Variants in TBK1 observed in about 807,000 individuals in gnomAD.
TBK1 encodes TANK binding kinase 1.
TBK1 carries 37 observed loss-of-function variants against 99.9 expected under a neutral mutation model. That is an observed-to-expected ratio of 0.37 (90% CI 0.28 to 0.49). The LOEUF (loss-of-function observed/expected upper bound fraction) is 0.49, where lower values mean the gene tolerates loss of function less well. Ranked by LOEUF, TBK1 falls within the 20% of genes least tolerant of loss-of-function variation. The probability of loss-of-function intolerance (pLI) is 0.98; values close to 1 mark genes in which losing one functional copy is unlikely to be tolerated. For missense variants in TBK1, 644 were observed against 872.5 expected (o/e 0.74, Z 3.30); for synonymous variants, 258 against 279.8 (o/e 0.92, Z 0.78).
chr12:64,488,360 G>A, intron 11 of TBK1, 127 bp from the exon 12 acceptor site: 1 of 527,858 alleles, frequency 1.9e-6, no homozygotes. Flanking sequence ...TTCAAAAAGT[G>A]TGAATTGATG....
intron 1 of TBK1, among the ~76,000 whole-genome samples, chr12:64,455,185 C>G (rs550484648): frequency 3.3e-5 from 5 of 151,382 alleles, no homozygotes. Context: ...GGGGTTTTGC[C>G]GTGTTAGCCA....
chr12:64,460,172 C>T lies in TBK1; in HGVS notation c.88-17C>T, dbSNP rs1379994261. ...AATATTATGAATAAATAAAACATTT[C>T]TCTCTCTTTTTTAAAGAAAACTGGT... On this transcript the variant is annotated splice_polypyrimidine_tract_variant and intron_variant, in intron 2 of 20. Transcript: ENST00000331710. The T allele has an allele frequency of 1.4e-6, 2 of 1,432,406 alleles. No individual in the cohort carries two copies. Among genetic ancestry groups the T allele is most frequent in the Non-Finnish European group, 1.9e-6 (2 of 1,065,774 alleles). The allele number at this position is 1,432,406 out of a possible 1,614,324, so 88.7% of individuals were successfully genotyped here. A position where few individuals can be genotyped will look rare whatever the true frequency, so the allele number is the denominator to read the frequency against.
At chr12:64,453,901 C>G (rs1253102690) in intron 1 of TBK1, among the ~76,000 whole-genome samples, 3 of 152,114 alleles carry the variant, frequency 2.0e-5, no homozygotes, top group Non-Finnish European at 4.4e-5. Flanking sequence ...GTTGGAGAAA[C>G]TATCCTTAAA....
At chr12:64,475,269 T>A (rs1366474210) in intron 6 of TBK1, among the ~76,000 whole-genome samples, 5 of 152,214 alleles carry the variant, frequency 3.3e-5, no homozygotes, top group Non-Finnish European at 5.9e-5. Flanking sequence ...AATTTTTTTT[T>A]AATTTCCATT....
chr12:64,465,722 G>C (rs149067828), intron 4 of TBK1, among the ~76,000 whole-genome samples: 2 of 152,298 alleles, frequency 1.3e-5, no homozygotes, highest in African/African-American at 4.8e-5. Context: ...GAAATGTCAA[G>C]AATAGGCAAA....
At chr12:64,465,033 C>T (rs2040587625) in intron 4 of TBK1, among the ~76,000 whole-genome samples, 1 of 151,864 alleles carries the variant, frequency 6.6e-6, no homozygotes, top group Non-Finnish European at 1.5e-5. Context: ...TGCTTGAGTC[C>T]AGGAGTTCAA....
chr12:64,458,510 T>C (rs867269101), intron 2 of TBK1, among the ~76,000 whole-genome samples: 11 of 95,012 alleles, frequency 1.2e-4, no homozygotes, highest in Admixed American at 2.2e-4. Flanking sequence ...TATGGATATA[T>C]ACATATATAT....
chr12:64,467,252 G>A (rs1407970938), intron 5 of TBK1, among the ~76,000 whole-genome samples, 170 bp downstream of exon 5: 1 of 152,094 alleles, frequency 6.6e-6, no homozygotes, highest in East Asian at 1.9e-4. Context: ...GCTTCCAAGG[G>A]TGCTGTTATT....
chr12:64,461,096 A>C (rs115291447), intron 3 of TBK1, among the ~76,000 whole-genome samples: 6,035 of 151,664 alleles, frequency 0.04, 390 homozygotes, highest in African/African-American at 0.14. Flanking sequence ...AAAAAGAAAG[A>C]AGGAAATAAA....
intron 3 of TBK1, 21 bp downstream of exon 3, chr12:64,460,350 C>A (rs540834314): frequency 2.0e-6 from 3 of 1,500,660 alleles, no homozygotes; most frequent in South Asian, 2.6e-5. Flanking sequence ...AAACTTCAAT[C>A]TTATATTTAT....
intron 3 of TBK1, among the ~76,000 whole-genome samples, chr12:64,463,954 C>T (rs574724015): frequency 7.3e-5 from 11 of 151,660 alleles, no homozygotes; most frequent in Admixed American, 6.6e-4. Context: ...ACTTCCGCCT[C>T]CCAGGTTCAA....
intron 13 of TBK1, among the ~76,000 whole-genome samples, chr12:64,493,395 G>A (rs1316624411): frequency 2.0e-5 from 3 of 151,720 alleles, no homozygotes; most frequent in Non-Finnish European, 2.9e-5. Context: ...GGGAGGCTGA[G>A]GTAGGCGGAT....
chr12:64,458,645 A>G (rs549327877), intron 2 of TBK1, among the ~76,000 whole-genome samples: 4 of 152,246 alleles, frequency 2.6e-5, no homozygotes, highest in Non-Finnish European at 1.5e-5. Context: ...CACAGGCATG[A>G]TGTAGTCTAC....
At chr12:64,462,774 T>A (rs1388487607) in intron 3 of TBK1, among the ~76,000 whole-genome samples, 1 of 152,228 alleles carries the variant, frequency 6.6e-6, no homozygotes, top group Non-Finnish European at 1.5e-5. Context: ...TCTGAAATTG[T>A]CATGCATCTT....
chr12:64,458,128 C>A (rs189870656), intron 2 of TBK1, among the ~76,000 whole-genome samples: 1 of 151,198 alleles, frequency 6.6e-6, no homozygotes, highest in East Asian at 2.0e-4. Flanking sequence ...CACATACACA[C>A]ACGAAAAAGA....
intron 5 of TBK1, among the ~76,000 whole-genome samples, chr12:64,471,334 A>G (rs969307969): frequency 6.8e-6 from 1 of 147,752 alleles, no homozygotes; most frequent in African/African-American, 2.5e-5. Context: ...ACACCTGGCT[A>G]ATATTTTTGT....
At position 64,481,950 on chromosome 12, in the gene TBK1, C is replaced by G; in HGVS notation, c.921C>G (p.His307Gln). The G allele has an allele frequency of 6.2e-7, 1 of 1,609,522 alleles. No homozygotes were observed. Residue 307 changes from histidine to glutamine, a missense_variant, in exon 8 of 21, where the codon CAC becomes CAG. Coordinates refer to ENST00000331710, the MANE Select transcript of TBK1 (RefSeq NM_013254.4). ...QFFAETSDILHRMVIHVFSLQ... is the reference protein window; with the variant it reads ...QFFAETSDILQRMVIHVFSLQ... ...TTGCAGAAACTAGTGATATACTTCA[C>G]CGAATGGTAATTCATGTTTTTTCGC...
In TBK1 at chr12:64,481,992, T is replaced by G. The variant is rs1343726173; in HGVS notation, c.963T>G (p.Ala321=). 4 of 1,600,720 alleles carry G rather than the reference T, an allele frequency of 2.5e-6. No individual in the cohort carries two copies. The African/African-American group carries it at 5.4e-5, about 22-fold the overall frequency. ...IHVFSLQQMT[A]HKIYIHSYNT... Reference sequence around the variant, plus strand: ...TTTTTTCGCTACAACAAATGACAGCTCATAAGATTTATATTCATAGCTATA... The same window carrying G: ...TTTTTTCGCTACAACAAATGACAGCGCATAAGATTTATATTCATAGCTATA... Residue 321 remains alanine, a synonymous_variant, in exon 8 of 21, where the codon GCT becomes GCG. Coordinates refer to ENST00000331710, the MANE Select transcript of TBK1 (RefSeq NM_013254.4).
intron 20 of TBK1, among the ~76,000 whole-genome samples, chr12:64,499,383 G>A (rs2040963525): frequency 6.6e-6 from 1 of 151,984 alleles, no homozygotes; most frequent in South Asian, 2.1e-4. Flanking sequence ...ATAGTCCTAA[G>A]CAGATAAAAC....
Sources: allele counts gnomAD v4.1 joint callset (sites outside exome capture counted in the v4.1 genomes callset), GRCh38; gene constraint gnomAD v4.1.1; transcripts MANE v1.5; gene names NCBI Gene and HGNC (gene_info 2026-07-23, HGNC 2026-07-21).